The following ANKS1B variants were observed in gnomAD, a reference collection of about 807,000 sequenced individuals.
ANKS1B encodes ankyrin repeat and sterile alpha motif domain-containing protein 1B.
A neutral mutation model predicts 148.3 loss-of-function variants in ANKS1B; 36 were observed. That is an observed-to-expected ratio of 0.24 (90% CI 0.19 to 0.32). The LOEUF is 0.32. Among genes scored for constraint, ANKS1B ranks in the 10% least tolerant of loss-of-function variants. ANKS1B has a pLI of 1.00. For synonymous variants in ANKS1B, 542 were observed against 560.8 expected (o/e 0.97, Z 0.47); for missense variants, 1,157 against 1,542.6 (o/e 0.75, Z 4.19).
chr12:99,454,975 C>T (rs1307958335), intron 10 of ANKS1B, among the ~76,000 whole-genome samples: 1 of 152,064 alleles, frequency 6.6e-6, no homozygotes, highest in Admixed American at 6.6e-5. Context: ...TATTTTGCAT[C>T]ACATCAGTAA....
At chr12:99,008,797 A>G (rs905741602) in intron 17 of ANKS1B, among the ~76,000 whole-genome samples, 2 of 152,198 alleles carry the variant, frequency 1.3e-5, no homozygotes, top group Admixed American at 6.5e-5. Flanking sequence ...GAGAAGATGG[A>G]ATGAGTGGAG....
intron 9 of ANKS1B, among the ~76,000 whole-genome samples, chr12:99,632,746 T>TATATATATATATATAC (rs2153401889): frequency 9.3e-6 from 1 of 107,550 alleles, no homozygotes; most frequent in Non-Finnish European, 1.9e-5. Context: ...TATATATATA[T>TATATATATATATATAC]ATATATATAT....
intron 2 of ANKS1B, among the ~76,000 whole-genome samples, chr12:99,814,118 T>C (rs945700231): frequency 6.6e-6 from 1 of 151,700 alleles, no homozygotes; most frequent in Non-Finnish European, 1.5e-5. Flanking sequence ...GGTCATACCA[T>C]GTAGCCTAGG....
intron 9 of ANKS1B, among the ~76,000 whole-genome samples, chr12:99,629,242 C>A (rs921619682): frequency 1.3e-5 from 2 of 152,164 alleles, no homozygotes; most frequent in Non-Finnish European, 2.9e-5. Context: ...CTTATAAGGG[C>A]AGGTGGCTGG....
At chr12:98,810,408 T>C (rs2099085578) in intron 19 of ANKS1B, among the ~76,000 whole-genome samples, 1 of 152,180 alleles carries the variant, frequency 6.6e-6, no homozygotes, top group Admixed American at 6.5e-5. Flanking sequence ...ACAGCTCTTG[T>C]AACACATTGA....
Position 99,149,132 on chromosome 12 carries a change from T to C in ANKS1B, c.2526+5157A>G, listed in dbSNP as rs570813536. Among the ~76,000 whole-genome samples the C allele has an allele frequency of 5.9e-5, 9 of 152,218 alleles. No individual in the cohort carries two copies. In the East Asian group the frequency reaches 1.7e-3, roughly 29 times the overall value. ...ATTTTTCTACTTCACAAGTTTAACT[T>C]CTTATTTGGATCACAATATGCTACT... is the stretch of plus-strand genomic sequence containing the variant. On this transcript the variant is annotated intron_variant, in intron 15 of 26. Transcript: ENST00000683438.
intron 11 of ANKS1B, among the ~76,000 whole-genome samples, chr12:99,415,674 G>C (rs557272713): frequency 6.6e-6 from 1 of 151,972 alleles, no homozygotes; most frequent in South Asian, 2.1e-4. Context: ...CCATCACCAC[G>C]AGGATCCCTC....
At chr12:99,846,939 A>C (rs1367016826) in intron 1 of ANKS1B, among the ~76,000 whole-genome samples, 1 of 152,088 alleles carries the variant, frequency 6.6e-6, no homozygotes, top group Non-Finnish European at 1.5e-5. Context: ...AAAACACTCA[A>C]CTGGGTTTCC....
At chr12:99,667,507 C>T (rs113237149) in intron 8 of ANKS1B, among the ~76,000 whole-genome samples, 1,526 of 152,118 alleles carry the variant, frequency 0.01, 13 homozygotes, top group Non-Finnish European at 0.016. Context: ...TTAGGATTTT[C>T]TATGTAAATG....
intron 17 of ANKS1B, among the ~76,000 whole-genome samples, chr12:98,945,125 A>G (rs1369134387): frequency 6.6e-6 from 1 of 152,200 alleles, no homozygotes; most frequent in Non-Finnish European, 1.5e-5. Context: ...AACACAGCAG[A>G]ATGAGAAATA....
At chr12:99,805,085 AG>A (rs2067421247) in intron 4 of ANKS1B, among the ~76,000 whole-genome samples, 1 of 152,022 alleles carries the variant, frequency 6.6e-6, no homozygotes, top group African/African-American at 2.4e-5. Flanking sequence ...CAGAATTATG[AG>A]CTAAATAAAG....
chr12:99,221,989 A>T (rs1189448324), intron 14 of ANKS1B, among the ~76,000 whole-genome samples: 1 of 152,182 alleles, frequency 6.6e-6, no homozygotes, highest in Non-Finnish European at 1.5e-5. Flanking sequence ...TTTTGCAGGC[A>T]CATAAAACAT....
At chr12:99,361,177 C>G (rs576508598) in intron 12 of ANKS1B, among the ~76,000 whole-genome samples, 1 of 152,178 alleles carries the variant, frequency 6.6e-6, no homozygotes, top group South Asian at 2.1e-4. Flanking sequence ...ATACCTCATT[C>G]TTTATGATGT....
chr12:99,880,592 G>A (rs940410506), intron 1 of ANKS1B, among the ~76,000 whole-genome samples: 1 of 152,172 alleles, frequency 6.6e-6, no homozygotes, highest in Admixed American at 6.5e-5. Context: ...CTATGTACAG[G>A]TAGTAGTATA....
At chr12:98,865,572 A>C (rs1451380250) in intron 17 of ANKS1B, among the ~76,000 whole-genome samples, 3 of 152,218 alleles carry the variant, frequency 2.0e-5, no homozygotes, top group African/African-American at 7.2e-5. Context: ...TTAAATTTAC[A>C]GAGTATATTA....
intron 14 of ANKS1B, among the ~76,000 whole-genome samples, chr12:99,213,360 T>C (rs2083635556): frequency 6.6e-6 from 1 of 152,238 alleles, no homozygotes; most frequent in Non-Finnish European, 1.5e-5. Flanking sequence ...CTCACCTGCC[T>C]GCATTCCCCC....
At position 98,751,315 on chromosome 12, in the gene ANKS1B, G is replaced by A. The variant is rs1015212069; in HGVS notation, c.3747+40C>T. On this transcript the variant is annotated intron_variant, in intron 26 of 26. Transcript: ENST00000683438. The surrounding 1 kb of genome is among the most constrained non-coding windows in gnomAD (Gnocchi z 4.3). Reference sequence around the variant, plus strand: ...CTGGTTAGCAGCCCCTTTTCCTCCTGTTCAAGGTTTTTTAGAACATCTGTA... The same window carrying A: ...CTGGTTAGCAGCCCCTTTTCCTCCTATTCAAGGTTTTTTAGAACATCTGTA... The A allele has an allele frequency of 6.2e-7, 1 of 1,602,112 alleles. No individual in the cohort carries two copies. The highest frequency in any genetic ancestry group is 1.3e-5 in the African/African-American group (1 of 74,482).
chr12:99,365,424 G>T (rs1004679871), intron 12 of ANKS1B, among the ~76,000 whole-genome samples: 1 of 152,178 alleles, frequency 6.6e-6, no homozygotes, highest in Admixed American at 6.5e-5. Flanking sequence ...CACTAGCCAG[G>T]CTGCTCTCCT....
At chr12:99,142,482 A>C (rs1023782161) in intron 15 of ANKS1B, among the ~76,000 whole-genome samples, 42 of 152,050 alleles carry the variant, frequency 2.8e-4, no homozygotes, top group African/African-American at 1.0e-3. Context: ...ATAAGAATTG[A>C]GGAAGGTTTT....
Sources: allele counts gnomAD v4.1 joint callset (sites outside exome capture counted in the v4.1 genomes callset), GRCh38; gene constraint gnomAD v4.1.1; non-coding constraint Gnocchi (gnomAD v3.1); transcripts MANE v1.5; gene names NCBI Gene and HGNC (gene_info 2026-07-23, HGNC 2026-07-21).